ARB2A: variants seen among roughly 807,000 people sequenced by gnomAD.
ARB2A encodes the protein cotranscriptional regulator ARB2A.
At chr5:93,931,515 T>C in the ARB2A span, among the ~76,000 whole-genome samples, 2 of 152,182 alleles carry the variant, frequency 1.3e-5, no homozygotes, top group Non-Finnish European at 2.9e-5. Context: ...CATAGAATGG[T>C]CTTTGGCTGT....
At chr5:94,031,521 G>A in the ARB2A span, among the ~76,000 whole-genome samples, 6 of 152,162 alleles carry the variant, frequency 3.9e-5, no homozygotes, top group Admixed American at 3.3e-4. Context: ...TTCTTACAGC[G>A]AGATGCTAGA....
the ARB2A span, chr5:93,734,553 AAT>A: frequency 1.3e-5 from 2 of 152,208 alleles, no homozygotes; most frequent in African/African-American, 2.4e-5. Context: ...TCAGATTAAA[AAT>A]ACTTGCCTTG....
At chr5:93,890,723 C>A in the ARB2A span, among the ~76,000 whole-genome samples, 1 of 152,010 alleles carries the variant, frequency 6.6e-6, no homozygotes. Flanking sequence ...CCTTCCAGCC[C>A]TGGCTTAGAT....
At chr5:93,824,924 T>G in the ARB2A span, among the ~76,000 whole-genome samples, 1 of 152,246 alleles carries the variant, frequency 6.6e-6, no homozygotes, top group African/African-American at 2.4e-5. Context: ...CAAAATGCCT[T>G]GGGCATCCCC....
chr5:94,038,217 C>T, the ARB2A span, among the ~76,000 whole-genome samples: 1 of 152,024 alleles, frequency 6.6e-6, no homozygotes, highest in East Asian at 1.9e-4. Context: ...GATAAAATTT[C>T]ACAAGTTACA....
the ARB2A span, among the ~76,000 whole-genome samples, chr5:94,099,353 G>A: frequency 1.3e-5 from 2 of 151,928 alleles, no homozygotes; most frequent in African/African-American, 4.8e-5. Flanking sequence ...GGCTGGGCAC[G>A]GTGGCTCATG....
At chr5:94,020,268 G>T in the ARB2A span, among the ~76,000 whole-genome samples, 13 of 148,064 alleles carry the variant, frequency 8.8e-5, no homozygotes, top group African/African-American at 3.3e-4. Context: ...ACACACTGGG[G>T]CCTGTTGGTG....
the ARB2A span, among the ~76,000 whole-genome samples, chr5:93,762,462 T>C: frequency 6.6e-6 from 1 of 152,096 alleles, no homozygotes; most frequent in Admixed American, 6.5e-5. Context: ...TGATGGAAGA[T>C]CAAATGAATG....
chr5:93,834,289 T>C, the ARB2A span, among the ~76,000 whole-genome samples: 1 of 152,174 alleles, frequency 6.6e-6, no homozygotes, highest in Non-Finnish European at 1.5e-5. Flanking sequence ...TATGAGCAAC[T>C]TAAGGGCAGT....
chr5:94,002,694 CTCTT>C, the ARB2A span, among the ~76,000 whole-genome samples: 13,425 of 151,598 alleles, frequency 0.089, 757 homozygotes, highest in Middle Eastern at 0.16. Context: ...GACTAGAAGT[CTCTT>C]TCTTTTTTTT....
chr5:93,786,143 G>A, the ARB2A span, among the ~76,000 whole-genome samples: 2 of 152,100 alleles, frequency 1.3e-5, no homozygotes, highest in Admixed American at 6.6e-5. Flanking sequence ...TATTTGACTC[G>A]GATTTTGTTG....
At chr5:93,719,097 A>G in the ARB2A span, among the ~76,000 whole-genome samples, 1 of 152,180 alleles carries the variant, frequency 6.6e-6, no homozygotes, top group Non-Finnish European at 1.5e-5. Flanking sequence ...TTTTTGCAGC[A>G]TCACTGGATA....
chr5:93,724,162 G>C, the ARB2A span, among the ~76,000 whole-genome samples: 5 of 151,646 alleles, frequency 3.3e-5, no homozygotes, highest in African/African-American at 1.2e-4. Flanking sequence ...AATGATCGGT[G>C]AATGGAGTTG....
the ARB2A span, among the ~76,000 whole-genome samples, chr5:93,656,669 G>T: frequency 6.6e-6 from 1 of 151,960 alleles, no homozygotes; most frequent in African/African-American, 2.4e-5. Context: ...ATTTTTAAAA[G>T]AAACAAAAAA....
the ARB2A span, among the ~76,000 whole-genome samples, chr5:94,096,438 T>C: frequency 3.9e-5 from 6 of 152,200 alleles, no homozygotes; most frequent in Non-Finnish European, 7.3e-5. Context: ...TGTTTTCTTA[T>C]ACTTGATTAC....
the ARB2A span, chr5:93,784,352 C>T: frequency 2.6e-6 from 4 of 1,512,644 alleles, no homozygotes; most frequent in Non-Finnish European, 3.7e-6. Flanking sequence ...CACACCCATT[C>T]ATCTCAGCAC....
At chr5:93,654,566 T>C in the ARB2A span, among the ~76,000 whole-genome samples, 2 of 152,222 alleles carry the variant, frequency 1.3e-5, no homozygotes, top group African/African-American at 4.8e-5. Context: ...ATTCCCCCAT[T>C]CCTTTTAGCA....
At chr5:93,964,496 G>A in the ARB2A span, 1 of 1,581,732 alleles carries the variant, frequency 6.3e-7, no homozygotes, top group Admixed American at 1.7e-5. Context: ...TCCTTTTCCA[G>A]GAGCTCATAT....
At chr5:93,854,544 T>A in the ARB2A span, among the ~76,000 whole-genome samples, 16 of 152,334 alleles carry the variant, frequency 1.1e-4, no homozygotes, top group African/African-American at 3.6e-4. Flanking sequence ...TTAATTGTGA[T>A]GTTAGGGTGT....
Sources: gnomAD v4.1 joint callset for allele counts (sites outside exome capture counted in the v4.1 genomes callset) on GRCh38, gnomAD v4.1.1 for gene constraint, MANE v1.5 for transcripts, NCBI Gene and HGNC (gene_info 2026-07-23, HGNC 2026-07-21) for gene names.